Variants in TEX9 observed in about 807,000 individuals in gnomAD.
TEX9 encodes the protein testis-expressed protein 9.
A neutral mutation model predicts 59.6 loss-of-function variants in TEX9; 74 were observed. The observed-to-expected ratio is 1.24, with a 90% CI of 1.03 to 1.51. TEX9 has a LOEUF of 1.51. Ranked by LOEUF, TEX9 falls within the 40% of genes most tolerant of loss-of-function variation. The pLI is 0.00. For missense variants in TEX9, 522 were observed against 447.8 expected, an observed-to-expected ratio of 1.17 and a Z score of -1.49; for synonymous variants, 186 against 152.2, an observed-to-expected ratio of 1.22 and a Z score of -1.64.
At chr15:56,398,797 T>G (rs1223526992) in intron 9 of TEX9, among the ~76,000 whole-genome samples, 1 of 152,144 alleles carries the variant, frequency 6.6e-6, no homozygotes, top group African/African-American at 2.4e-5. Flanking sequence ...ATGGGGATAA[T>G]TTTTTGAGTG....
In TEX9 at chr15:56,310,355, C is replaced by T. The variant is rs1258726600; in HGVS notation, c.-106-63086C>T. On this transcript the variant is annotated intron_variant, in intron 1 of 5. Coordinates refer to the TEX9 transcript ENST00000560827. The stretch of plus-strand genomic sequence containing the variant: ...GCTGAGGCATGAGAATCACTTGAAC[C>T]CGGGAGGTGGAGATTATAGTGAGCC... 3.9e-5 allele frequency among the ~76,000 whole-genome samples: 6 copies of T among 152,140 alleles called. No individual in the cohort carries two copies. The East Asian group carries it at 9.6e-4, about 24-fold the overall frequency.
intron 1 of TEX9, among the ~76,000 whole-genome samples, chr15:56,280,402 A>G (rs946988665): frequency 6.6e-6 from 1 of 152,194 alleles, no homozygotes; most frequent in Non-Finnish European, 1.5e-5. Context: ...TATGTACATT[A>G]TGCAAGAATG....
chr15:56,324,834 GC>G (rs2141722390), intron 1 of TEX9, among the ~76,000 whole-genome samples: 1 of 152,240 alleles, frequency 6.6e-6, no homozygotes, highest in Non-Finnish European at 1.5e-5. Context: ...GAAAAGTGGG[GC>G]TTTAGCAAGC....
At chr15:56,256,956 A>T (rs2044158378) in intron 1 of TEX9, among the ~76,000 whole-genome samples, 1 of 151,842 alleles carries the variant, frequency 6.6e-6, no homozygotes, top group African/African-American at 2.4e-5. Flanking sequence ...GCTCTCCCAT[A>T]GGCCCCAGTG....
chr15:56,388,188 C>T (rs2048047181), intron 4 of TEX9, among the ~76,000 whole-genome samples: 1 of 151,880 alleles, frequency 6.6e-6, no homozygotes, highest in Non-Finnish European at 1.5e-5. Flanking sequence ...CTGTGGATAG[C>T]CCACAATTAC....
chr15:56,395,006 C>T (rs1038825090), intron 9 of TEX9, 172 bp downstream of exon 9: 2 of 660,350 alleles, frequency 3.0e-6, no homozygotes, highest in African/African-American at 3.7e-5. Flanking sequence ...TGTAATTCAC[C>T]CTTTTAAAGT....
chr15:56,451,578 C>T, the TEX9 span, among the ~76,000 whole-genome samples: 4 of 152,128 alleles, frequency 2.6e-5, no homozygotes, highest in African/African-American at 9.7e-5. Flanking sequence ...TCCAATCCTG[C>T]AACTTTTAGT....
At chr15:56,420,450 G>C (rs1417227234) in intron 10 of TEX9, among the ~76,000 whole-genome samples, 1 of 151,684 alleles carries the variant, frequency 6.6e-6, no homozygotes, top group African/African-American at 2.4e-5. Context: ...TGGGATTACA[G>C]GCCCCCGCCA....
At chr15:56,298,683 G>A (rs75271710) in intron 1 of TEX9, among the ~76,000 whole-genome samples, 6,830 of 152,002 alleles carry the variant, frequency 0.045, 223 homozygotes, top group Admixed American at 0.087. Flanking sequence ...CTTTTTCAGC[G>A]TTCACTCATT....
chr15:56,261,434 T>G (rs1223767157), intron 1 of TEX9, among the ~76,000 whole-genome samples: 1 of 152,014 alleles, frequency 6.6e-6, no homozygotes, highest in Non-Finnish European at 1.5e-5. Flanking sequence ...TAATAATTAT[T>G]AGGCCAGGCG....
chr15:56,444,227 A>T (rs1383330850), intron 12 of TEX9, among the ~76,000 whole-genome samples: 2 of 152,094 alleles, frequency 1.3e-5, no homozygotes, highest in Admixed American at 6.6e-5. Context: ...AGGTCATTCA[A>T]TCACTTCAGC....
intron 8 of TEX9, 34 bp downstream of exon 8, chr15:56,394,281 A>T: frequency 6.7e-7 from 1 of 1,500,998 alleles, no homozygotes; most frequent in African/African-American, 1.4e-5. Context: ...AGGCTCTAAT[A>T]TTCAAAGATA....
chr15:56,425,479 C>A lies in TEX9; in HGVS notation c.964-2126C>A, dbSNP rs376697942. Among the ~76,000 whole-genome samples, 7 of 152,202 alleles carry A rather than the reference C, an allele frequency of 4.6e-5. No homozygotes were observed. In the East Asian group the frequency reaches 1.4e-3, roughly 29 times the overall value. ...GAAAGCTCACTCATTCTTTCTTATA[C>A]CTGTACAGCTCTGCTGTTGAACCCT... On this transcript the variant is annotated intron_variant, in intron 10 of 12. Coordinates refer to ENST00000352903, the Ensembl canonical transcript of TEX9.
chr15:56,295,690 CT>C (rs1469573363), intron 1 of TEX9, among the ~76,000 whole-genome samples: 3 of 152,216 alleles, frequency 2.0e-5, no homozygotes, highest in African/African-American at 7.2e-5. Flanking sequence ...AATTTTACTA[CT>C]TTGTATGCCT....
intron 1 of TEX9, among the ~76,000 whole-genome samples, chr15:56,257,964 G>A (rs748277988): frequency 6.6e-6 from 1 of 152,022 alleles, no homozygotes; most frequent in Non-Finnish European, 1.5e-5. Context: ...GTTGATTTTT[G>A]TATATGGTAT....
At chr15:56,303,979 A>G (rs887164456) in intron 1 of TEX9, among the ~76,000 whole-genome samples, 9 of 152,188 alleles carry the variant, frequency 5.9e-5, no homozygotes, top group South Asian at 2.1e-4. Flanking sequence ...GACTAATAAC[A>G]AGTAATGAGA....
intron 1 of TEX9, among the ~76,000 whole-genome samples, chr15:56,301,433 A>G (rs149859619): frequency 6.6e-6 from 1 of 152,286 alleles, no homozygotes; most frequent in African/African-American, 2.4e-5. Context: ...ATTCAAGTAT[A>G]AGAAGGTTAT....
chr15:56,371,273 A>G (rs2047180195), intron 2 of TEX9, among the ~76,000 whole-genome samples: 1 of 152,032 alleles, frequency 6.6e-6, no homozygotes, highest in South Asian at 2.1e-4. Flanking sequence ...TGATTTATTT[A>G]TATCTGTCTT....
intron 1 of TEX9, among the ~76,000 whole-genome samples, chr15:56,325,534 A>G (rs754950530): frequency 1.3e-5 from 2 of 152,144 alleles, no homozygotes; most frequent in Non-Finnish European, 2.9e-5. Flanking sequence ...ATCTCCTTTA[A>G]CTACCTTAAG....
Sources: gnomAD v4.1 joint callset for allele counts (sites outside exome capture counted in the v4.1 genomes callset) on GRCh38, gnomAD v4.1.1 for gene constraint, MANE v1.5 for transcripts, NCBI Gene and HGNC (gene_info 2026-07-23, HGNC 2026-07-21) for gene names.